Variants in ANKRD31 observed in about 807,000 individuals in gnomAD.
The protein encoded by ANKRD31 is ankyrin repeat domain 31, also known as ankyrin repeat domain-containing protein 31.
ANKRD31 carries 147 observed loss-of-function variants against 186.0 expected under a neutral mutation model. The ratio of observed to expected loss-of-function variants is 0.79; its 90% confidence interval spans 0.69 to 0.91. The LOEUF (loss-of-function observed/expected upper bound fraction) is 0.91, where lower values mean the gene tolerates loss of function less well. Among genes scored for constraint, ANKRD31 ranks in the 40% least tolerant of loss-of-function variants. The pLI is 0.00. For missense variants in ANKRD31, 1,986 were observed against 2,148.8 expected (o/e 0.92, Z 1.50); for synonymous variants, 673 against 736.4 (o/e 0.91, Z 1.39).
intron 12 of ANKRD31, among the ~76,000 whole-genome samples, chr5:75,151,981 A>G (rs1170895313): frequency 6.6e-6 from 1 of 152,068 alleles, no homozygotes; most frequent in East Asian, 1.9e-4. Flanking sequence ...GATACAATGA[A>G]TGAATGAATG....
At chr5:75,103,654 G>A (rs1417305402) in intron 22 of ANKRD31, among the ~76,000 whole-genome samples, 1 of 152,170 alleles carries the variant, frequency 6.6e-6, no homozygotes, top group African/African-American at 2.4e-5. Flanking sequence ...ATACACCATG[G>A]AATACTATGC....
At chr5:75,155,442 G>T (rs546674428) in intron 11 of ANKRD31, among the ~76,000 whole-genome samples, 31 of 152,196 alleles carry the variant, frequency 2.0e-4, no homozygotes, top group Non-Finnish European at 4.1e-4. Flanking sequence ...CTAAGCAATA[G>T]TTTACTATGT....
intron 24 of ANKRD31, among the ~76,000 whole-genome samples, chr5:75,080,920 T>C (rs917972505): frequency 1.8e-5 from 2 of 110,930 alleles, no homozygotes; most frequent in Non-Finnish European, 3.2e-5. Flanking sequence ...CACACAAAAT[T>C]ATTTTTTTTT....
intron 23 of ANKRD31, among the ~76,000 whole-genome samples, chr5:75,087,662 T>C (rs956793766): frequency 6.6e-6 from 1 of 152,042 alleles, no homozygotes; most frequent in Non-Finnish European, 1.5e-5. Context: ...TATCTCAGGG[T>C]GGAAAAAGCA....
intron 3 of ANKRD31, among the ~76,000 whole-genome samples, chr5:75,214,527 C>T (rs1169282863): frequency 6.6e-6 from 1 of 152,296 alleles, no homozygotes; most frequent in East Asian, 1.9e-4. Flanking sequence ...TACCTGCCCA[C>T]GGGGGCTTTA....
intron 11 of ANKRD31, among the ~76,000 whole-genome samples, chr5:75,158,710 T>A (rs1025699365): frequency 2.0e-5 from 3 of 152,182 alleles, no homozygotes; most frequent in African/African-American, 7.2e-5. Context: ...GAGGATCACC[T>A]GTTCCCAAAA....
chr5:75,131,238 G>A (rs955594809), intron 17 of ANKRD31, among the ~76,000 whole-genome samples: 1 of 152,230 alleles, frequency 6.6e-6, no homozygotes, highest in South Asian at 2.1e-4. Flanking sequence ...CAGTGCAACG[G>A]CAGGCTGAAG....
chr5:75,152,891 A>G (rs893961335), intron 12 of ANKRD31, among the ~76,000 whole-genome samples: 1 of 151,894 alleles, frequency 6.6e-6, no homozygotes, highest in African/African-American at 2.4e-5. Flanking sequence ...GAATCTATGG[A>G]TATATTTTTA....
At chr5:75,161,782 TG>T (rs1752586264) in intron 11 of ANKRD31, among the ~76,000 whole-genome samples, 1 of 152,194 alleles carries the variant, frequency 6.6e-6, no homozygotes, top group African/African-American at 2.4e-5. Flanking sequence ...GCTTCAGCCA[TG>T]GCTGAAAGGG....
intron 19 of ANKRD31, among the ~76,000 whole-genome samples, chr5:75,116,328 G>A (rs1292346807): frequency 1.3e-5 from 2 of 151,742 alleles, no homozygotes; most frequent in Admixed American, 6.6e-5. Flanking sequence ...GTTAGTGGGT[G>A]CAGCGCACCA....
chr5:75,231,255 T>A (rs547350374), intron 1 of ANKRD31, among the ~76,000 whole-genome samples: 24 of 152,034 alleles, frequency 1.6e-4, no homozygotes, highest in African/African-American at 5.3e-4. Context: ...TTAATTTTTT[T>A]TTTTTTAGAG....
At chr5:75,111,177 C>T (rs1747750840) in intron 20 of ANKRD31, among the ~76,000 whole-genome samples, 1 of 148,192 alleles carries the variant, frequency 6.7e-6, no homozygotes, top group African/African-American at 2.6e-5. Flanking sequence ...TTATTGAGGT[C>T]CAATTGCATT....
chr5:75,140,418 T>G (rs751805382), intron 15 of ANKRD31, among the ~76,000 whole-genome samples: 2 of 151,978 alleles, frequency 1.3e-5, no homozygotes, highest in Non-Finnish European at 2.9e-5. Flanking sequence ...ACAGAAAATA[T>G]TCGTTAAATC....
At chr5:75,144,224 C>T in intron 14 of ANKRD31, 53 bp from the exon 15 acceptor site, 2 of 395,148 alleles carry the variant, frequency 5.1e-6, no homozygotes, top group Non-Finnish European at 8.9e-6. Context: ...CCTGGTTATA[C>T]AATTAGAAAA....
In ANKRD31 at chr5:75,206,487, C is replaced by T; in HGVS notation, c.327G>A (p.Gln109=). Reference sequence around the variant, plus strand: ...TGAACATTGAACAGTTTTTTCTAGTCCTAAAAAATCAATTAATAAAAATAA... The same window carrying T: ...TGAACATTGAACAGTTTTTTCTAGTTCTAAAAAATCAATTAATAAAAATAA... The part of the protein sequence containing the change: ...DETERNQALL[Q]TRKNCSMFIG... The change falls in exon 5 of 26, where the codon CAG becomes CAA. Residue 109 remains glutamine, a splice_region_variant and synonymous_variant. Transcript: ENST00000506364. The T allele has an allele frequency of 7.1e-7, 1 of 1,410,038 alleles. No individual in the cohort carries two copies. Among genetic ancestry groups the T allele is most frequent in the Admixed American group, 3.0e-5 (1 of 33,460 alleles). The allele number at this position is 1,410,038 out of a possible 1,614,324, so 87.3% of individuals were successfully genotyped here. A position where few individuals can be genotyped will look rare whatever the true frequency, so the allele number is the denominator to read the frequency against.
At chr5:75,137,496 G>C (rs1750681423) in intron 17 of ANKRD31, among the ~76,000 whole-genome samples, 1 of 152,040 alleles carries the variant, frequency 6.6e-6, no homozygotes, top group Non-Finnish European at 1.5e-5. Context: ...GAAATTTTAA[G>C]TTAAAAAAAT....
At chr5:75,131,451 G>A (rs968257364) in intron 17 of ANKRD31, among the ~76,000 whole-genome samples, 15 of 152,290 alleles carry the variant, frequency 9.8e-5, no homozygotes, top group Admixed American at 4.6e-4. Flanking sequence ...AGGTGGCAGC[G>A]AGGCTGGGGG....
intron 5 of ANKRD31, 147 bp from the exon 6 acceptor site, chr5:75,199,821 G>A: frequency 3.3e-6 from 1 of 304,838 alleles, no homozygotes; most frequent in East Asian, 6.0e-5. Context: ...AAATTTATTA[G>A]TATAAAAGTA....
At chr5:75,096,879 C>G (rs1241317706) in intron 22 of ANKRD31, among the ~76,000 whole-genome samples, 1 of 134,412 alleles carries the variant, frequency 7.4e-6, no homozygotes, top group Non-Finnish European at 1.5e-5. Flanking sequence ...TCTCACTGTT[C>G]AATTCCCACC....
Sources: allele counts gnomAD v4.1 joint callset (sites outside exome capture counted in the v4.1 genomes callset), GRCh38; gene constraint gnomAD v4.1.1; transcripts MANE v1.5; gene names NCBI Gene and HGNC (gene_info 2026-07-23, HGNC 2026-07-21).